The following PCDH15 variants were observed in gnomAD, a reference collection of about 807,000 sequenced individuals.
The protein encoded by PCDH15 is protocadherin-15.
A neutral mutation model predicts 178.5 loss-of-function variants in PCDH15; 129 were observed. That is an observed-to-expected ratio of 0.72 (90% CI 0.63 to 0.84). PCDH15 has a LOEUF of 0.84. PCDH15 is among the 40% of genes least tolerant of loss of function. The pLI is 0.00. For synonymous variants in PCDH15, 800 were observed against 732.0 expected (o/e 1.09, Z -1.50); for missense variants, 2,230 against 2,099.9 (o/e 1.06, Z -1.21).
intron 1 of PCDH15, among the ~76,000 whole-genome samples, chr10:55,223,191 C>T (rs1450501738): frequency 6.6e-6 from 1 of 152,042 alleles, no homozygotes; most frequent in East Asian, 1.9e-4. Context: ...ATAGCCACAA[C>T]TGGCTAATAG....
intron 3 of PCDH15, among the ~76,000 whole-genome samples, chr10:54,854,289 C>T (rs186985424): frequency 7.9e-5 from 12 of 152,240 alleles, no homozygotes; most frequent in African/African-American, 2.6e-4. Context: ...ACTCAGGGGG[C>T]TCCCAGAGGG....
chr10:55,273,230 T>A (rs1842494009), intron 1 of PCDH15, among the ~76,000 whole-genome samples: 1 of 152,110 alleles, frequency 6.6e-6, no homozygotes, highest in South Asian at 2.1e-4. Context: ...ATGACTTAAT[T>A]TTTTTACACA....
At chr10:54,712,635 G>A (rs939334616) in intron 1 of PCDH15, among the ~76,000 whole-genome samples, 4 of 151,934 alleles carry the variant, frequency 2.6e-5, no homozygotes, top group South Asian at 2.1e-4. Context: ...GGCTTTGGGT[G>A]TACAAAACTA....
At chr10:54,409,086 C>A (rs1333468911) in intron 3 of PCDH15, among the ~76,000 whole-genome samples, 1 of 152,042 alleles carries the variant, frequency 6.6e-6, no homozygotes, top group Non-Finnish European at 1.5e-5. Flanking sequence ...AAGGGGAAAC[C>A]CCTTTCACCT....
chr10:55,471,906 T>C (rs539753391), intron 2 of PCDH15, among the ~76,000 whole-genome samples: 3 of 152,152 alleles, frequency 2.0e-5, no homozygotes, highest in Non-Finnish European at 4.4e-5. Context: ...TGAGCCAAAC[T>C]AAAGTTAGAT....
intron 8 of PCDH15, among the ~76,000 whole-genome samples, chr10:54,273,955 A>G (rs2058195850): frequency 6.6e-6 from 1 of 152,134 alleles, no homozygotes; most frequent in East Asian, 1.9e-4. Flanking sequence ...CTATGCAGCT[A>G]TAAAAAAGAA....
chr10:55,388,946 T>A (rs1337610176), intron 2 of PCDH15, among the ~76,000 whole-genome samples: 1 of 152,124 alleles, frequency 6.6e-6, no homozygotes, highest in Non-Finnish European at 1.5e-5. Context: ...AGATATGAGT[T>A]CCTTCTCTGA....
At position 54,711,072 on chromosome 10, in the gene PCDH15, G is replaced by A. The variant is rs114989332; in HGVS notation, c.-28-46782C>T. Among the ~76,000 whole-genome samples, 1,320 of 151,966 alleles carry A rather than the reference G, an allele frequency of 8.7e-3. 15 individuals carry two copies. The highest frequency in any genetic ancestry group is 0.029 in the African/African-American group (1,222 of 41,466). On this transcript the variant is annotated intron_variant, in intron 1 of 37. Transcript: ENST00000644397. Reference sequence around the variant, plus strand: ...AGCAATGTTTTAGGTTTATTTAATGGTCACTTCCCTTGCCATGTGGTAATT... The same window carrying A: ...AGCAATGTTTTAGGTTTATTTAATGATCACTTCCCTTGCCATGTGGTAATT...
chr10:54,470,430 C>T (rs1228909131), intron 3 of PCDH15, among the ~76,000 whole-genome samples: 1 of 152,080 alleles, frequency 6.6e-6, no homozygotes, highest in Non-Finnish European at 1.5e-5. Context: ...TTCTAGGAAT[C>T]TGGAGAGGCA....
rs2076207535 is a variant in PCDH15, at chr10:53,820,205, T to A, written c.4393A>T (p.Ile1465Leu). 1 of 397,882 alleles carries A rather than the reference T, an allele frequency of 2.5e-6. No homozygotes were observed. The highest frequency in any genetic ancestry group is 4.4e-6 in the Non-Finnish European group (1 of 225,514). The allele number at this position is 397,882 out of a possible 1,614,324, so 24.6% of individuals were successfully genotyped here. Reference sequence around the variant, plus strand: ...CAAATAGCACAAGTTCTCATGCATATGACCAGCTGCCAACAAAAACTCCAA... The same window carrying A: ...CAAATAGCACAAGTTCTCATGCATAAGACCAGCTGCCAACAAAAACTCCAA... Reference protein sequence around the residue: ...SIWSFCWQLVICMRTCAIWRT... With the variant: ...SIWSFCWQLVLCMRTCAIWRT... The change falls in exon 33 of 38, where the codon ATA becomes TTA. Residue 1465 changes from isoleucine (I) to leucine (L), a missense_variant. Physicochemically the swap from Ile to Leu is conservative, Grantham distance 5. Coordinates refer to ENST00000644397, the MANE Select transcript of PCDH15 (RefSeq NM_001384140.1).
Position 54,286,609 on chromosome 10 carries a change from A to G in PCDH15, c.876+30662T>C, listed in dbSNP as rs374995038. ...TTTGTTTTGTACGTTCAATCCTCTG[A>G]AAAACATGACTCTTCCTGATTTTTT... On this transcript the variant is annotated intron_variant, in intron 8 of 37. Coordinates refer to ENST00000644397, the MANE Select transcript of PCDH15 (RefSeq NM_001384140.1). 4.2e-3 allele frequency among the ~76,000 whole-genome samples: 636 copies of G among 152,258 alleles called. 7 individuals are homozygous for G. The highest frequency in any genetic ancestry group is 0.013 in the African/African-American group (522 of 41,558).
chr10:54,394,646 A>T (rs1357629585), intron 3 of PCDH15, among the ~76,000 whole-genome samples: 1 of 152,208 alleles, frequency 6.6e-6, no homozygotes, highest in Non-Finnish European at 1.5e-5. Flanking sequence ...TGTCATTGAT[A>T]ACATCTTATC....
intron 2 of PCDH15, among the ~76,000 whole-genome samples, chr10:54,642,561 T>TGTC (rs148352860): frequency 0.048 from 7,368 of 152,180 alleles, 571 homozygotes; most frequent in African/African-American, 0.16. Flanking sequence ...TTAAATGAAC[T>TGTC]GTCACCAAAA....
intron 2 of PCDH15, chr10:55,512,875 G>A (rs1372989081): frequency 6.6e-6 from 1 of 152,026 alleles, no homozygotes; most frequent in African/African-American, 2.4e-5. Context: ...ATGGCAATTT[G>A]TTACCTTCTG....
chr10:55,548,602 A>C (rs1308519118), intron 2 of PCDH15, among the ~76,000 whole-genome samples: 7 of 152,194 alleles, frequency 4.6e-5, no homozygotes, highest in Non-Finnish European at 8.8e-5. Flanking sequence ...GACATTCAGC[A>C]TAAAGCTGAG....
At chr10:55,100,915 T>C (rs1255543565) in intron 2 of PCDH15, among the ~76,000 whole-genome samples, 1 of 152,080 alleles carries the variant, frequency 6.6e-6, no homozygotes, top group East Asian at 1.9e-4. Flanking sequence ...AAAGAAAGAG[T>C]AATTCACTGC....
At chr10:54,883,249 C>T (rs1954295773) in intron 3 of PCDH15, among the ~76,000 whole-genome samples, 1 of 152,022 alleles carries the variant, frequency 6.6e-6, no homozygotes, top group Admixed American at 6.6e-5. Flanking sequence ...TGATGAAAAG[C>T]TTTTGGATGG....
At chr10:54,390,701 A>G (rs1380474481) in intron 3 of PCDH15, among the ~76,000 whole-genome samples, 2 of 152,152 alleles carry the variant, frequency 1.3e-5, no homozygotes, top group Admixed American at 1.3e-4. Flanking sequence ...TCAATGAGAG[A>G]TGGTATAAGT....
At chr10:54,984,390 C>T (rs1839315228) in intron 2 of PCDH15, among the ~76,000 whole-genome samples, 1 of 152,160 alleles carries the variant, frequency 6.6e-6, no homozygotes, top group Admixed American at 6.6e-5. Context: ...GAGATCCTGC[C>T]CCATGCCTGT....
Sources: allele counts gnomAD v4.1 joint callset (sites outside exome capture counted in the v4.1 genomes callset), GRCh38; gene constraint gnomAD v4.1.1; transcripts MANE v1.5; gene names NCBI Gene and HGNC (gene_info 2026-07-23, HGNC 2026-07-21).